The following MGST1 variants were observed in gnomAD, a reference collection of about 807,000 sequenced individuals.
MGST1 encodes the protein glutathione S-transferase 12.
A neutral mutation model predicts 8.9 loss-of-function variants in MGST1; 5 were observed. The observed-to-expected ratio is 0.56, with a 90% CI of 0.29 to 1.19. The LOEUF (loss-of-function observed/expected upper bound fraction) is 1.19, where lower values mean the gene tolerates loss of function less well. Ranked by LOEUF, MGST1 falls within the 50% of genes most tolerant of loss-of-function variation. The probability of loss-of-function intolerance (pLI) is 0.08; values close to 1 mark genes in which losing one functional copy is unlikely to be tolerated. For missense variants in MGST1, 182 were observed against 187.4 expected (o/e 0.97, Z 0.17); for synonymous variants, 54 against 67.8 (o/e 0.80, Z 1.00).
In MGST1 at chr12:16,582,745, C is replaced by A. The variant is rs2137548984; in HGVS notation, n.483-6783C>A. On this transcript the variant is annotated intron_variant and non_coding_transcript_variant, in intron 4 of 4. Coordinates refer to the MGST1 transcript ENST00000538857. The surrounding 1 kb of genome is among the most constrained non-coding windows in gnomAD (Gnocchi z 4.1). ...TTAAGTATCTGATTGGGATGAGACG[C>A]CCAGAAAAGAATCAGAACTAGGCCG... is the stretch of plus-strand genomic sequence containing the variant. 6.6e-6 allele frequency among the ~76,000 whole-genome samples: 1 copy of A among 152,196 alleles called. No individual in the cohort carries two copies. The highest frequency in any genetic ancestry group is 1.9e-4 in the East Asian group (1 of 5,158).
intron 4 of MGST1, among the ~76,000 whole-genome samples, chr12:16,467,712 C>A (rs1364954497): frequency 1.3e-5 from 2 of 152,182 alleles, no homozygotes; most frequent in South Asian, 4.1e-4. Flanking sequence ...TTTCAACAAG[C>A]ACTTTTCCGG....
chr12:16,355,808 G>A (rs1939692643), intron 2 of MGST1, among the ~76,000 whole-genome samples: 1 of 152,172 alleles, frequency 6.6e-6, no homozygotes, highest in African/African-American at 2.4e-5. Flanking sequence ...TATAGAGGGG[G>A]CAGTTAGAGG....
intron 1 of MGST1, among the ~76,000 whole-genome samples, chr12:16,412,223 A>G (rs1300747130): frequency 1.3e-5 from 2 of 152,180 alleles, no homozygotes; most frequent in Non-Finnish European, 2.9e-5. Flanking sequence ...TGTGACCATG[A>G]GTACAATCTG....
chr12:16,554,525 T>C (rs986397692), intron 4 of MGST1, among the ~76,000 whole-genome samples: 2 of 152,164 alleles, frequency 1.3e-5, no homozygotes, highest in Non-Finnish European at 2.9e-5. Context: ...TTACTGTCTT[T>C]CCCACTGACA....
chr12:16,497,314 T>G lies in MGST1; in HGVS notation n.483-92214T>G, dbSNP rs1455699904. ...GACTCATGGAACAAATAATAGTTCT[T>G]TTTAATCATGGAAATGAGGTAGTGT... is the stretch of plus-strand genomic sequence containing the variant. On this transcript the variant is annotated intron_variant and non_coding_transcript_variant, in intron 4 of 4. Transcript: ENST00000538857. The surrounding 1 kb of genome is among the most constrained non-coding windows in gnomAD (Gnocchi z 4.4). Among the ~76,000 whole-genome samples, 3 of 152,112 alleles carry G rather than the reference T, an allele frequency of 2.0e-5. No homozygotes were observed. Among genetic ancestry groups the G allele is most frequent in the African/African-American group, 7.2e-5 (3 of 41,432 alleles).
intron 1 of MGST1, among the ~76,000 whole-genome samples, chr12:16,392,162 G>A (rs1332881592): frequency 6.6e-6 from 1 of 152,134 alleles, no homozygotes; most frequent in African/African-American, 2.4e-5. Context: ...AATATCATTT[G>A]AAGTTGGGTG....
At chr12:16,501,098 G>GAAAAAAA (rs71054822) in intron 4 of MGST1, among the ~76,000 whole-genome samples, 12 of 83,808 alleles carry the variant, frequency 1.4e-4, no homozygotes, top group East Asian at 3.4e-4. Context: ...ACTCTGTCTC[G>GAAAAAAA]AAAAAAAAAA....
chr12:16,471,304 C>T (rs1308295372), intron 4 of MGST1, among the ~76,000 whole-genome samples: 1 of 152,172 alleles, frequency 6.6e-6, no homozygotes, highest in Middle Eastern at 3.2e-3. Flanking sequence ...AAATATGCAA[C>T]GTGGGCACAA....
At chr12:16,367,606 G>C (rs182557570), downstream of MGST1, 1 of 152,338 alleles carries the variant, frequency 6.6e-6, no homozygotes, top group Admixed American at 6.5e-5. Context: ...ATGTTGGCTT[G>C]TGTGGCCAAA....
chr12:16,477,529 T>C (rs911849050), intron 4 of MGST1, among the ~76,000 whole-genome samples: 14 of 152,158 alleles, frequency 9.2e-5, no homozygotes, highest in Non-Finnish European at 4.4e-5. Flanking sequence ...TTCAAGCATA[T>C]ATAGTTTAGG....
Position 16,548,072 on chromosome 12 carries a change from AAC to A in MGST1, n.483-41454_483-41453del, listed in dbSNP as rs2137222395. 6.6e-6 allele frequency among the ~76,000 whole-genome samples: 1 copy of A among 152,316 alleles called. No homozygotes were observed. The highest frequency in any genetic ancestry group is 1.5e-5 in the Non-Finnish European group (1 of 68,014). On this transcript the variant is annotated intron_variant and non_coding_transcript_variant, in intron 4 of 4. Transcript: ENST00000538857. The surrounding 1 kb of genome is among the most constrained non-coding windows in gnomAD (Gnocchi z 4.2). ...ATTTGAAATTTAATCTGACAACAGC[AAC>A]AGAGTTGCTTTCAGAAAGATCACCT...
intron 4 of MGST1, among the ~76,000 whole-genome samples, chr12:16,471,431 C>G (rs915930843): frequency 6.6e-6 from 1 of 152,158 alleles, no homozygotes; most frequent in Non-Finnish European, 1.5e-5. Flanking sequence ...AATACACTAA[C>G]CAGTTCTGCT....
chr12:16,504,231 A>T (rs764239903), intron 4 of MGST1, among the ~76,000 whole-genome samples: 1 of 152,204 alleles, frequency 6.6e-6, no homozygotes, highest in Non-Finnish European at 1.5e-5. Context: ...GTGATATTCA[A>T]AGAAACATAG....
At chr12:16,435,992 T>TAC (rs35784515) in intron 1 of MGST1, among the ~76,000 whole-genome samples, 8,390 of 148,662 alleles carry the variant, frequency 0.056, 562 homozygotes, top group African/African-American at 0.16. Flanking sequence ...CTGCTGCAAA[T>TAC]ACACACACAC....
downstream of MGST1, among the ~76,000 whole-genome samples, chr12:16,368,458 C>G (rs552103009): frequency 2.0e-5 from 3 of 152,272 alleles, no homozygotes; most frequent in South Asian, 6.2e-4. Context: ...ATGATCATCT[C>G]CCCGCTGCCA....
At chr12:16,454,321 A>G (rs1275217753) in intron 4 of MGST1, among the ~76,000 whole-genome samples, 1 of 151,988 alleles carries the variant, frequency 6.6e-6, no homozygotes, top group Non-Finnish European at 1.5e-5. Context: ...CACATACTTT[A>G]TGGGGAAAAC....
chr12:16,402,201 A>G, intron 1 of MGST1: 2 of 1,583,612 alleles, frequency 1.3e-6, no homozygotes, highest in Admixed American at 1.7e-5. Flanking sequence ...GGCCATAAAG[A>G]TGATTTTGTC....
intron 4 of MGST1, among the ~76,000 whole-genome samples, chr12:16,532,226 G>T (rs535414353): frequency 2.0e-5 from 3 of 152,102 alleles, no homozygotes; most frequent in South Asian, 4.1e-4. Context: ...CTTGCGGGGG[G>T]AGAAAACCTC....
At chr12:16,365,218 G>A (rs1342806089), downstream of MGST1, among the ~76,000 whole-genome samples, 1 of 151,926 alleles carries the variant, frequency 6.6e-6, no homozygotes, top group Non-Finnish European at 1.5e-5. Flanking sequence ...AGCACCCATG[G>A]TTTCTACATA....
Sources: allele counts gnomAD v4.1 joint callset (sites outside exome capture counted in the v4.1 genomes callset), GRCh38; gene constraint gnomAD v4.1.1; non-coding constraint Gnocchi (gnomAD v3.1); transcripts MANE v1.5; gene names NCBI Gene and HGNC (gene_info 2026-07-23, HGNC 2026-07-21).